Variants in JMJD1C observed in about 807,000 individuals in gnomAD.
JMJD1C encodes the protein jumonji domain containing 1C, also known as jumonji domain-containing protein 1C.
Under a neutral mutation model 245.3 loss-of-function variants are expected in JMJD1C, and 31 were observed. The observed-to-expected ratio is 0.13, with a 90% CI of 0.09 to 0.17. The LOEUF is 0.17. Ranked by LOEUF, JMJD1C falls within the 10% of genes least tolerant of loss-of-function variation. The probability of loss-of-function intolerance (pLI) is 1.00; values close to 1 mark genes in which losing one functional copy is unlikely to be tolerated. For synonymous variants in JMJD1C, 1,057 were observed against 1,017.4 expected (o/e 1.04, Z -0.74); for missense variants, 2,691 against 3,000.2 (o/e 0.90, Z 2.41).
chr10:63,179,403 C>T (rs1325045023), intron 22 of JMJD1C, among the ~76,000 whole-genome samples: 1 of 149,816 alleles, frequency 6.7e-6, no homozygotes, highest in African/African-American at 2.5e-5. Context: ...GAGCAAAACT[C>T]CATCTCAAAA....
chr10:63,212,701 A>C (rs528862371), intron 8 of JMJD1C, among the ~76,000 whole-genome samples: 30 of 152,222 alleles, frequency 2.0e-4, no homozygotes, highest in Non-Finnish European at 3.8e-4. Context: ...ACAAACATAC[A>C]TCTGGAGAAT....
intron 1 of JMJD1C, chr10:63,427,656 C>G: frequency 1.5e-6 from 2 of 1,318,700 alleles, no homozygotes; most frequent in Non-Finnish European, 2.2e-6. Flanking sequence ...ACTCTAACAA[C>G]AGTGGCTGGA....
chr10:63,317,929 CA>C (rs1426155104), intron 2 of JMJD1C, among the ~76,000 whole-genome samples: 1 of 152,186 alleles, frequency 6.6e-6, no homozygotes, highest in Non-Finnish European at 1.5e-5. Context: ...ACTGCCACTC[CA>C]ACCTCCAAGG....
intron 3 of JMJD1C, chr10:63,222,360 T>C: frequency 8.0e-6 from 9 of 1,124,402 alleles, no homozygotes; most frequent in South Asian, 2.5e-5. Flanking sequence ...ACAAATCATA[T>C]GTTTTTCAGT....
At position 63,495,509 on chromosome 10, in the gene JMJD1C, C is replaced by T. The variant is rs148151255; in HGVS notation, n.113+26229G>A. 3.3e-3 allele frequency among the ~76,000 whole-genome samples: 496 copies of T among 152,156 alleles called. 2 individuals carry two copies. Among genetic ancestry groups the T allele is most frequent in the African/African-American group, 0.011 (477 of 41,484 alleles). ...TTGATAGGCTGCGAGTGGTGGCTCA[C>T]GCCTGTAATCCCAGCACTTTGGGAA... On this transcript the variant is annotated intron_variant and non_coding_transcript_variant, in intron 1 of 3. Transcript: ENST00000633035.
intron 2 of JMJD1C, among the ~76,000 whole-genome samples, chr10:63,371,023 G>A (rs546228677): frequency 3.2e-4 from 49 of 152,202 alleles, no homozygotes; most frequent in Non-Finnish European, 3.7e-4. Flanking sequence ...CATTGCCCAG[G>A]CTGGAGTGCA....
At chr10:63,254,156 C>G (rs1853509077) in intron 3 of JMJD1C, among the ~76,000 whole-genome samples, 1 of 152,046 alleles carries the variant, frequency 6.6e-6, no homozygotes, top group Middle Eastern at 3.4e-3. Flanking sequence ...TTGAGCAAAT[C>G]TAGGTATTCA....
chr10:63,208,433 T>C lies in JMJD1C; in HGVS notation c.3236A>G (p.Lys1079Arg). The C allele has an allele frequency of 6.2e-7, 1 of 1,614,040 alleles. No individual in the cohort carries two copies. Among genetic ancestry groups the C allele is most frequent in the African/African-American group, 1.3e-5 (1 of 75,032 alleles). ...DVERSVSDLY[K>R]MKHSVPQSLP... ...ACTCTGAGGCACTGAGTGCTTCATT[T>C]TATAAAGATCTGATACTGAGCGTTC... is the stretch of plus-strand genomic sequence containing the variant. Residue 1079 changes from lysine to arginine, a missense_variant, in exon 10 of 26, where the codon AAA (lysine) becomes AGA (arginine). Physicochemically the swap from Lys to Arg is conservative, Grantham distance 26. Around this residue, in one of 9 missense-constraint regions of JMJD1C, gnomAD observed 1,562 missense variants for 1,490.7 expected, o/e 1.05. Transcript: ENST00000399262.
At chr10:63,521,788 C>T (rs758446873) in exon 1 of JMJD1C, 20 of 321,306 alleles carry the variant, frequency 6.2e-5, no homozygotes, top group Non-Finnish European at 1.0e-4. Context: ...GGCCTAGCTG[C>T]GGCGACTGCG....
At chr10:63,503,670 T>A (rs1451155267) in intron 1 of JMJD1C, among the ~76,000 whole-genome samples, 1 of 152,242 alleles carries the variant, frequency 6.6e-6, no homozygotes, top group African/African-American at 2.4e-5. Context: ...CAGCACGAGC[T>A]GAAAAAGCTA....
chr10:63,520,316 A>C (rs577597855), intron 1 of JMJD1C, among the ~76,000 whole-genome samples: 1 of 152,348 alleles, frequency 6.6e-6, no homozygotes, highest in East Asian at 1.9e-4. Flanking sequence ...AGGAACAAGA[A>C]GACAAAATTA....
At chr10:63,416,345 GTTT>G (rs10640079) in intron 1 of JMJD1C, among the ~76,000 whole-genome samples, 1 of 147,136 alleles carries the variant, frequency 6.8e-6, no homozygotes, top group Admixed American at 6.8e-5. Context: ...ATTTATCTTA[GTTT>G]TTTTTTTTTA....
At chr10:63,450,417 G>T (rs1449462153) in intron 1 of JMJD1C, among the ~76,000 whole-genome samples, 1 of 151,942 alleles carries the variant, frequency 6.6e-6, no homozygotes, top group Non-Finnish European at 1.5e-5. Flanking sequence ...ACAGCCATAG[G>T]ACTACTGCCT....
At chr10:63,282,578 G>C (rs1260041942) in intron 2 of JMJD1C, among the ~76,000 whole-genome samples, 1 of 152,118 alleles carries the variant, frequency 6.6e-6, no homozygotes, top group Non-Finnish European at 1.5e-5. Context: ...TCATTTAAAA[G>C]TTCTTCCCTT....
chr10:63,273,791 T>A (rs1337745137), intron 2 of JMJD1C, among the ~76,000 whole-genome samples: 3 of 152,116 alleles, frequency 2.0e-5, no homozygotes, highest in African/African-American at 7.2e-5. Context: ...GGTTACAAGC[T>A]GAATGTATCA....
intron 1 of JMJD1C, among the ~76,000 whole-genome samples, chr10:63,455,705 T>C (rs1273730073): frequency 6.6e-6 from 1 of 152,132 alleles, no homozygotes; most frequent in Admixed American, 6.5e-5. Flanking sequence ...GAAATCATTA[T>C]TAAATAAAAC....
At chr10:63,447,678 A>G (rs1328963202) in intron 1 of JMJD1C, among the ~76,000 whole-genome samples, 1 of 152,142 alleles carries the variant, frequency 6.6e-6, no homozygotes, top group Non-Finnish European at 1.5e-5. Context: ...TGTGGCATCA[A>G]TATCACAACT....
At position 63,349,359 on chromosome 10, in the gene JMJD1C, A is replaced by G. The variant is rs994466576; in HGVS notation, c.333+30959T>C. 6.6e-5 allele frequency among the ~76,000 whole-genome samples: 10 copies of G among 152,228 alleles called. No homozygotes were observed. The South Asian group carries it at 1.7e-3, about 25-fold the overall frequency. On this transcript the variant is annotated intron_variant, in intron 2 of 25. Coordinates refer to ENST00000399262, the MANE Select transcript of JMJD1C (RefSeq NM_032776.3). ...TTTACACAATGCCTGGTATGGAGCAAAAGTCTGTTAACAGAAGTTATCGAT... is the reference window on the plus strand; with the variant it reads ...TTTACACAATGCCTGGTATGGAGCAGAAGTCTGTTAACAGAAGTTATCGAT...
At chr10:63,352,888 A>G (rs1944483415) in intron 2 of JMJD1C, among the ~76,000 whole-genome samples, 2 of 152,040 alleles carry the variant, frequency 1.3e-5, no homozygotes, top group Admixed American at 1.3e-4. Context: ...TCAGGACTTG[A>G]GTATGTGTGG....
Sources: gnomAD v4.1 joint callset for allele counts (sites outside exome capture counted in the v4.1 genomes callset) on GRCh38, gnomAD v4.1.1 for gene constraint, gnomAD v4.1.1 regional missense constraint, MANE v1.5 for transcripts, NCBI Gene and HGNC (gene_info 2026-07-23, HGNC 2026-07-21) for gene names.